NYAP2: variants seen among roughly 807,000 people sequenced by gnomAD.
The protein encoded by NYAP2 is neuronal tyrosine-phosphorylated phosphoinositide-3-kinase adaptor 2.
Under a neutral mutation model 50.4 loss-of-function variants are expected in NYAP2, and 23 were observed. The ratio of observed to expected loss-of-function variants is 0.46; its 90% CI spans 0.33 to 0.65. The LOEUF (loss-of-function observed/expected upper bound fraction) is 0.65. Ranked by LOEUF, NYAP2 falls within the 30% of genes least tolerant of loss-of-function variation. The probability of loss-of-function intolerance (pLI) is 0.02; values close to 1 mark genes in which losing one functional copy is unlikely to be tolerated. For missense variants in NYAP2, 885 were observed against 861.0 expected (o/e 1.03, Z -0.35); for synonymous variants, 394 against 365.2 (o/e 1.08, Z -0.90).
At chr2:225,690,809 T>C in the NYAP2 span, among the ~76,000 whole-genome samples, 4 of 152,108 alleles carry the variant, frequency 2.6e-5, no homozygotes, top group African/African-American at 7.2e-5. Context: ...AGGAAAAATA[T>C]TGTAAGCCCG....
At chr2:225,479,114 C>A (rs1690165399) in intron 3 of NYAP2, among the ~76,000 whole-genome samples, 1 of 151,700 alleles carries the variant, frequency 6.6e-6, no homozygotes, top group African/African-American at 2.4e-5. Flanking sequence ...CGAGTGGGAG[C>A]CAATGGAAAA....
intron 3 of NYAP2, among the ~76,000 whole-genome samples, chr2:225,481,169 T>C (rs890758334): frequency 6.6e-6 from 1 of 152,128 alleles, no homozygotes; most frequent in Non-Finnish European, 1.5e-5. Flanking sequence ...GAAATATTTG[T>C]CAATTAAAAG....
At chr2:225,619,230 G>A (rs1022576044) in intron 5 of NYAP2, among the ~76,000 whole-genome samples, 1 of 152,180 alleles carries the variant, frequency 6.6e-6, no homozygotes, top group African/African-American at 2.4e-5. Flanking sequence ...CTTGACTAAG[G>A]TTAAGTAGCA....
intron 3 of NYAP2, among the ~76,000 whole-genome samples, chr2:225,469,651 C>T (rs182401541): frequency 7.7e-4 from 117 of 152,246 alleles, no homozygotes; most frequent in East Asian, 4.3e-3. Flanking sequence ...ACATATACAC[C>T]ATGGAATACT....
At chr2:225,645,288 G>C (rs1324083401) in intron 6 of NYAP2, among the ~76,000 whole-genome samples, 1 of 151,066 alleles carries the variant, frequency 6.6e-6, no homozygotes, top group Non-Finnish European at 1.5e-5. Context: ...AAATTACATA[G>C]TCCTACTGGT....
At chr2:225,557,062 C>T (rs1559213699) in intron 4 of NYAP2, among the ~76,000 whole-genome samples, 1 of 152,134 alleles carries the variant, frequency 6.6e-6, no homozygotes, top group African/African-American at 2.4e-5. Flanking sequence ...ACACACATAT[C>T]TAAATTTTTA....
chr2:225,549,742 G>C (rs1181906757), intron 4 of NYAP2, among the ~76,000 whole-genome samples: 6 of 152,138 alleles, frequency 3.9e-5, no homozygotes, highest in Non-Finnish European at 8.8e-5. Context: ...AGCACTTTGG[G>C]AGGCTGACGT....
chr2:225,611,899 TATACACAC>T (rs1692892960), intron 5 of NYAP2, among the ~76,000 whole-genome samples: 1 of 102,746 alleles, frequency 9.7e-6, no homozygotes, highest in Non-Finnish European at 1.9e-5. Context: ...TGTGTGTGTG[TATACACAC>T]ACACACACAC....
intron 6 of NYAP2, among the ~76,000 whole-genome samples, chr2:225,645,233 G>T (rs1041146324): frequency 7.1e-6 from 1 of 141,204 alleles, no homozygotes; most frequent in Admixed American, 7.0e-5. Context: ...ACTCCAGCCT[G>T]GGCAGAAAAA....
At chr2:225,524,037 C>T (rs112672120) in intron 4 of NYAP2, among the ~76,000 whole-genome samples, 3,923 of 152,170 alleles carry the variant, frequency 0.026, 169 homozygotes, top group African/African-American at 0.09. Context: ...CAGGATTCTC[C>T]AGAGGGACAG....
At chr2:225,593,122 A>T (rs1256677950) in intron 5 of NYAP2, among the ~76,000 whole-genome samples, 6 of 152,172 alleles carry the variant, frequency 3.9e-5, no homozygotes, top group Non-Finnish European at 7.3e-5. Flanking sequence ...TTAAATATTC[A>T]GTATAAGTGA....
At chr2:225,553,837 C>G (rs111243182) in intron 4 of NYAP2, among the ~76,000 whole-genome samples, 4,178 of 151,980 alleles carry the variant, frequency 0.027, 182 homozygotes, top group African/African-American at 0.094. Flanking sequence ...AGGAGTTCGA[C>G]ACCAGCCTGG....
At chr2:225,618,405 C>T (rs1206525306) in intron 5 of NYAP2, among the ~76,000 whole-genome samples, 1 of 152,222 alleles carries the variant, frequency 6.6e-6, no homozygotes, top group Non-Finnish European at 1.5e-5. Context: ...TGCAACATTA[C>T]ACTCTGTGTT....
At chr2:225,465,162 G>A (rs1205865741) in intron 3 of NYAP2, among the ~76,000 whole-genome samples, 1 of 152,122 alleles carries the variant, frequency 6.6e-6, no homozygotes, top group Admixed American at 6.5e-5. Context: ...GATGAGAAGT[G>A]GAGGACATAT....
chr2:225,463,216 G>C (rs1689862064), intron 3 of NYAP2, among the ~76,000 whole-genome samples: 1 of 152,248 alleles, frequency 6.6e-6, no homozygotes, highest in Non-Finnish European at 1.5e-5. Flanking sequence ...GTCATAACAG[G>C]GTGAAAACCT....
intron 4 of NYAP2, among the ~76,000 whole-genome samples, chr2:225,520,027 G>A (rs1354241560): frequency 2.0e-5 from 3 of 152,128 alleles, no homozygotes; most frequent in Non-Finnish European, 4.4e-5. Context: ...GGCCAGTGAT[G>A]GTGAGCATTT....
chr2:225,544,221 G>GTT (rs796586708), intron 4 of NYAP2, among the ~76,000 whole-genome samples: 7 of 141,148 alleles, frequency 5.0e-5, no homozygotes, highest in East Asian at 2.1e-4. Context: ...ATGATTGGGT[G>GTT]TTTTTTTTTT....
chr2:225,677,148 T>C, the NYAP2 span, among the ~76,000 whole-genome samples: 1 of 152,162 alleles, frequency 6.6e-6, no homozygotes, highest in Non-Finnish European at 1.5e-5. Context: ...GATGGATTTC[T>C]ATGTTTTTCA....
chr2:225,466,010 C>T (rs139268878), intron 3 of NYAP2, among the ~76,000 whole-genome samples: 1 of 152,146 alleles, frequency 6.6e-6, no homozygotes, highest in Non-Finnish European at 1.5e-5. Context: ...ATTGAAGACA[C>T]CATGCCGCTT....
Sources: gnomAD v4.1 joint callset for allele counts (sites outside exome capture counted in the v4.1 genomes callset) on GRCh38, gnomAD v4.1.1 for gene constraint, MANE v1.5 for transcripts, NCBI Gene and HGNC (gene_info 2026-07-23, HGNC 2026-07-21) for gene names.